NRDC: variants seen among roughly 807,000 people sequenced by gnomAD.
NRDC encodes nardilysin.
Under a neutral mutation model 147.1 loss-of-function variants are expected in NRDC, and 54 were observed. The ratio of observed to expected loss-of-function variants is 0.37; its 90% CI spans 0.29 to 0.46. The LOEUF is 0.46. Ranked by LOEUF, NRDC falls within the 20% of genes least tolerant of loss-of-function variation. NRDC has a pLI of 1.00. For synonymous variants in NRDC, 440 were observed against 482.1 expected, an observed-to-expected ratio of 0.91 and a Z score of 1.14; for missense variants, 1,082 against 1,370.6, an observed-to-expected ratio of 0.79 and a Z score of 3.33.
chr1:51,812,065 C>T lies in NRDC; in HGVS notation c.1708G>A (p.Glu570Lys). 1 of 1,613,946 alleles carries T rather than the reference C, an allele frequency of 6.2e-7. No individual in the cohort carries two copies. The highest frequency in any genetic ancestry group is 8.5e-7 in the Non-Finnish European group (1 of 1,179,868). The change falls in exon 15 of 31, where the codon GAG (glutamate) becomes AAG (lysine). Residue 570 changes from glutamate to lysine, a missense_variant. Glu to Lys is a moderately conservative substitution (Grantham distance 56, BLOSUM62 1). Transcript: ENST00000352171. ...DPVEYVENMC[E>K]NMQLYPLQDI... is the part of the protein sequence containing the mutation. ...TGCAATGGGTACAGCTGCATGTTCT[C>T]ACACATGTTTTCCACATACTCAACT... is the stretch of plus-strand genomic sequence containing the variant.
At chr1:51,852,765 A>G (rs1472247680) in intron 1 of NRDC, among the ~76,000 whole-genome samples, 1 of 151,822 alleles carries the variant, frequency 6.6e-6, no homozygotes, top group Non-Finnish European at 1.5e-5. Context: ...TTCCTTGTGG[A>G]CTTTCATCCT....
At chr1:51,853,850 G>A (rs1218757726) in intron 1 of NRDC, among the ~76,000 whole-genome samples, 2 of 152,126 alleles carry the variant, frequency 1.3e-5, no homozygotes, top group East Asian at 3.8e-4. Context: ...CTGTCCCTAA[G>A]GACTGGTTTT....
At chr1:51,812,306 C>G (rs1304931995) in intron 14 of NRDC, among the ~76,000 whole-genome samples, 2 of 152,120 alleles carry the variant, frequency 1.3e-5, no homozygotes, top group Non-Finnish European at 2.9e-5. Context: ...ATTTGGGAGA[C>G]AGAGGTGGTT....
chr1:51,793,567 C>T (rs1210373343), intron 24 of NRDC, among the ~76,000 whole-genome samples: 1 of 152,206 alleles, frequency 6.6e-6, no homozygotes, highest in Non-Finnish European at 1.5e-5. Context: ...ATGACCGTGA[C>T]ATCGGGCAAG....
At chr1:51,846,360 C>T (rs979339397) in intron 1 of NRDC, among the ~76,000 whole-genome samples, 1 of 152,164 alleles carries the variant, frequency 6.6e-6, no homozygotes, top group Non-Finnish European at 1.5e-5. Context: ...GTGATCCACC[C>T]GCCTCGGTCT....
intron 1 of NRDC, among the ~76,000 whole-genome samples, chr1:51,855,636 A>G (rs1026095152): frequency 1.3e-5 from 2 of 152,214 alleles, no homozygotes; most frequent in East Asian, 3.9e-4. Context: ...AGAGAAAAAA[A>G]CCCTATTAAA....
At chr1:51,838,153 C>G (rs1177299175) in intron 2 of NRDC, among the ~76,000 whole-genome samples, 1 of 152,108 alleles carries the variant, frequency 6.6e-6, no homozygotes, top group Non-Finnish European at 1.5e-5. Flanking sequence ...TCCACTGTCC[C>G]GGTAGGATAA....
At position 51,794,577 on chromosome 1, in the gene NRDC, C is replaced by G; in HGVS notation, c.2670G>C (p.Met890Ile). 1 of 1,614,200 alleles carries G rather than the reference C, an allele frequency of 6.2e-7. No homozygotes were observed. Among genetic ancestry groups the G allele is most frequent in the Non-Finnish European group, 8.5e-7 (1 of 1,180,026 alleles). The part of the protein sequence containing the change: ...KLNFKPLEQE[M>I]PVQFQVVELP... ...GCTCTACCACCTGGAACTGCACAGG[C>G]ATCTCCTGCTCCAGAGGCTTGAAGT... is the stretch of plus-strand genomic sequence containing the variant. Residue 890 changes from methionine to isoleucine, a missense_variant, in exon 24 of 31, where the codon ATG becomes ATC. Coordinates refer to ENST00000352171, the MANE Select transcript of NRDC (RefSeq NM_001101662.2).
intron 7 of NRDC, among the ~76,000 whole-genome samples, chr1:51,823,089 A>G (rs1470210166): frequency 6.6e-6 from 1 of 152,210 alleles, no homozygotes; most frequent in Non-Finnish European, 1.5e-5. Flanking sequence ...TAATGAGAAA[A>G]AGTGAATGTG....
chr1:51,818,709 C>T (rs542557482), intron 9 of NRDC, among the ~76,000 whole-genome samples: 5 of 151,928 alleles, frequency 3.3e-5, no homozygotes, highest in South Asian at 2.1e-4. Context: ...AAAACAGTCA[C>T]TGATTAGGGG....
At chr1:51,816,245 T>C (rs1281160755) in intron 11 of NRDC, 67 bp downstream of exon 11, 1 of 1,005,172 alleles carries the variant, frequency 9.9e-7, no homozygotes, top group Non-Finnish European at 1.5e-6. Context: ...ATGCATTATA[T>C]AATACTTATT....
At chr1:51,831,790 G>A (rs1308789029) in intron 4 of NRDC, among the ~76,000 whole-genome samples, 2 of 151,724 alleles carry the variant, frequency 1.3e-5, no homozygotes, top group African/African-American at 2.4e-5. Flanking sequence ...TGTTGGCCAG[G>A]CTGGTCTCGA....
At chr1:51,863,421 T>A (rs1222876640) in intron 1 of NRDC, among the ~76,000 whole-genome samples, 1 of 151,988 alleles carries the variant, frequency 6.6e-6, no homozygotes, top group Non-Finnish European at 1.5e-5. Context: ...AAAAATTAGC[T>A]TTTGGTGCAG....
At chr1:51,843,823 G>A (rs1374652965) in intron 1 of NRDC, among the ~76,000 whole-genome samples, 2 of 151,530 alleles carry the variant, frequency 1.3e-5, no homozygotes, top group African/African-American at 4.9e-5. Context: ...GAAGCAGTTT[G>A]AGGTAGTCCC....
intron 1 of NRDC, among the ~76,000 whole-genome samples, chr1:51,843,566 G>A (rs1234611113): frequency 6.6e-6 from 1 of 152,148 alleles, no homozygotes; most frequent in East Asian, 1.9e-4. Flanking sequence ...GGAATTAAAA[G>A]CCAACTCATT....
chr1:51,800,894 G>A (rs1297471194), intron 20 of NRDC: 2 of 533,664 alleles, frequency 3.7e-6, no homozygotes, highest in African/African-American at 1.9e-5. Context: ...AGGCTGGAGT[G>A]CAGTGGTACT....
chr1:51,792,508 T>C, intron 24 of NRDC, 84 bp from the exon 25 acceptor site: 1 of 1,227,104 alleles, frequency 8.1e-7, no homozygotes. Context: ...AGGCAACCAC[T>C]TAGGTATCAC....
intron 3 of NRDC, 53 bp from the exon 4 acceptor site, chr1:51,834,223 T>C: frequency 1.3e-6 from 2 of 1,582,316 alleles, no homozygotes; most frequent in Non-Finnish European, 8.6e-7. Context: ...AAAATATTTT[T>C]ATCACACATG....
rs542157192 is a variant in NRDC, at chr1:51,814,753, A to G, written c.1500T>C (p.Thr500=). 3 of 1,611,990 alleles carry G rather than the reference A, an allele frequency of 1.9e-6. No homozygotes were observed. The highest frequency in any genetic ancestry group is 4.5e-5 in the East Asian group (2 of 44,848). ...NGETGFEQNS[T]YSVFSISITL... is the part of the protein sequence containing the mutation. Reference sequence around the variant, plus strand: ...TAATAGAAATGCTGAACACTGAATAAGTAGAATTTTGCTCAAATCCTGTCT... The same window carrying G: ...TAATAGAAATGCTGAACACTGAATAGGTAGAATTTTGCTCAAATCCTGTCT... The change falls in exon 12 of 31, where the codon ACT becomes ACC. Residue 500 remains threonine (T), a synonymous_variant. Coordinates refer to ENST00000352171, the MANE Select transcript of NRDC (RefSeq NM_001101662.2).
Sources: gnomAD v4.1 joint callset for allele counts (sites outside exome capture counted in the v4.1 genomes callset) on GRCh38, gnomAD v4.1.1 for gene constraint, MANE v1.5 for transcripts, NCBI Gene and HGNC (gene_info 2026-07-23, HGNC 2026-07-21) for gene names.